The following TTLL11 variants were observed in gnomAD, a reference collection of about 807,000 sequenced individuals.
TTLL11 encodes tubulin tyrosine ligase like 11.
TTLL11 carries 42 observed loss-of-function variants against 51.7 expected under a neutral mutation model. That is an observed-to-expected ratio of 0.81 (90% CI 0.64 to 1.05). The LOEUF is 1.05. Ranked by LOEUF, TTLL11 falls within the 50% of genes least tolerant of loss-of-function variation. The pLI is 0.00. For synonymous variants in TTLL11, 381 were observed against 383.5 expected (o/e 0.99, Z 0.08); for missense variants, 799 against 940.4 (o/e 0.85, Z 1.97).
intron 8 of TTLL11, among the ~76,000 whole-genome samples, chr9:121,840,734 C>T (rs970682542): frequency 6.6e-5 from 10 of 152,162 alleles, no homozygotes; most frequent in East Asian, 1.9e-4. Context: ...GTTGAGGCCA[C>T]GTGGCCTGTG....
chr9:122,021,326 T>TA (rs1242042128), intron 3 of TTLL11, among the ~76,000 whole-genome samples: 1 of 152,098 alleles, frequency 6.6e-6, no homozygotes, highest in Admixed American at 6.6e-5. Context: ...AAGACTGAGA[T>TA]AGCCAGGGTT....
At chr9:122,004,944 A>C (rs149486698) in intron 3 of TTLL11, among the ~76,000 whole-genome samples, 1 of 152,356 alleles carries the variant, frequency 6.6e-6, no homozygotes, top group Non-Finnish European at 1.5e-5. Context: ...GAGACTGAAG[A>C]AAGCCCAGGA....
At chr9:122,020,194 C>T (rs546127404) in intron 3 of TTLL11, among the ~76,000 whole-genome samples, 4 of 152,348 alleles carry the variant, frequency 2.6e-5, no homozygotes, top group East Asian at 3.9e-4. Context: ...TTCATGACTT[C>T]GTACCTTTGC....
At chr9:121,887,242 T>G (rs1839043593) in intron 6 of TTLL11, among the ~76,000 whole-genome samples, 1 of 152,220 alleles carries the variant, frequency 6.6e-6, no homozygotes, top group Non-Finnish European at 1.5e-5. Flanking sequence ...ATATATGGCA[T>G]GTGGGCAGCC....
intron 6 of TTLL11, among the ~76,000 whole-genome samples, chr9:121,949,670 G>A (rs928999510): frequency 4.0e-5 from 6 of 151,794 alleles, no homozygotes; most frequent in African/African-American, 9.7e-5. Context: ...TGCGTCACCC[G>A]GCTCTGCTTG....
chr9:121,874,529 G>T (rs538285331), intron 6 of TTLL11, among the ~76,000 whole-genome samples: 1 of 152,128 alleles, frequency 6.6e-6, no homozygotes, highest in Admixed American at 6.5e-5. Flanking sequence ...ATAAAGTTAG[G>T]ATTACATTAC....
chr9:121,892,130 C>T (rs1033443548), intron 6 of TTLL11, among the ~76,000 whole-genome samples: 2 of 74,614 alleles, frequency 2.7e-5, no homozygotes, highest in African/African-American at 9.5e-5. Flanking sequence ...CTCCTTCTAC[C>T]TTTATATATA....
intron 8 of TTLL11, among the ~76,000 whole-genome samples, chr9:121,840,701 T>C (rs777316523): frequency 1.3e-5 from 2 of 152,132 alleles, no homozygotes; most frequent in Admixed American, 6.5e-5. Context: ...CAGCTGATCA[T>C]ACAGTTTCAA....
intron 2 of TTLL11, among the ~76,000 whole-genome samples, chr9:122,036,451 G>A (rs912313451): frequency 5.9e-5 from 9 of 151,440 alleles, no homozygotes; most frequent in Non-Finnish European, 7.4e-5. Flanking sequence ...ATTTAGATAC[G>A]TCTAAAGAAA....
intron 6 of TTLL11, among the ~76,000 whole-genome samples, chr9:121,971,244 G>A (rs1248329975): frequency 1.2e-5 from 1 of 83,476 alleles, no homozygotes; most frequent in East Asian, 4.7e-4. Context: ...CCGGCCAGCC[G>A]CCCCGTCCGG....
intron 8 of TTLL11, among the ~76,000 whole-genome samples, chr9:121,841,553 G>A (rs1319149246): frequency 4.6e-5 from 7 of 152,154 alleles, no homozygotes; most frequent in Non-Finnish European, 1.0e-4. Context: ...GTAAGGTCTC[G>A]TGGAACAGAC....
At chr9:121,973,424 CAA>C (rs1365240949) in intron 6 of TTLL11, among the ~76,000 whole-genome samples, 1 of 152,180 alleles carries the variant, frequency 6.6e-6, no homozygotes, top group Non-Finnish European at 1.5e-5. Context: ...TTGAGGATTT[CAA>C]AGAGAAGCAC....
intron 3 of TTLL11, among the ~76,000 whole-genome samples, chr9:122,019,364 A>G (rs1490461536): frequency 6.6e-6 from 1 of 152,174 alleles, no homozygotes; most frequent in African/African-American, 2.4e-5. Context: ...CTTCCCCTTG[A>G]TAAGCGCTTT....
In TTLL11 at chr9:121,816,832, C is replaced by T. The variant is rs1836427088; in HGVS notation, c.*5755G>A. 6.6e-6 allele frequency: 1 copy of T among 152,172 alleles called. No individual in the cohort carries two copies. The highest frequency in any genetic ancestry group is 1.5e-5 in the Non-Finnish European group (1 of 68,030). 9.4% of individuals were successfully genotyped at this position (152,172 alleles called of 1,614,324 possible). A position where few individuals can be genotyped will look rare whatever the true frequency, so the allele number is the denominator to read the frequency against. On this transcript the variant is annotated 3_prime_UTR_variant, in exon 9 of 9. Transcript: ENST00000321582. ...AGACGTGGCCTATTCTGCAGAGCTCCTTCATCTCCAGGAACAGAAAAAAAT... is the reference window on the plus strand; with the variant it reads ...AGACGTGGCCTATTCTGCAGAGCTCTTTCATCTCCAGGAACAGAAAAAAAT...
intron 6 of TTLL11, among the ~76,000 whole-genome samples, chr9:121,896,977 C>T (rs572439470): frequency 6.6e-6 from 1 of 152,166 alleles, no homozygotes; most frequent in African/African-American, 2.4e-5. Context: ...CAGTGTCAAC[C>T]AATCACCTAT....
intron 4 of TTLL11, among the ~76,000 whole-genome samples, chr9:121,984,739 A>C (rs1164805382): frequency 6.6e-6 from 1 of 152,244 alleles, no homozygotes; most frequent in African/African-American, 2.4e-5. Context: ...ATGGCCAAGG[A>C]GATAATTAGA....
chr9:121,963,552 A>T (rs1367419490), intron 6 of TTLL11: 1 of 152,206 alleles, frequency 6.6e-6, no homozygotes, highest in Non-Finnish European at 1.5e-5. Flanking sequence ...GACTGGCCAT[A>T]TGCTCATCTA....
intron 8 of TTLL11, among the ~76,000 whole-genome samples, chr9:121,845,419 A>C (rs951180406): frequency 6.6e-6 from 1 of 152,230 alleles, no homozygotes; most frequent in African/African-American, 2.4e-5. Context: ...AACAAATTTC[A>C]GAGAACAGAA....
At chr9:122,061,799 T>A (rs1845440442) in intron 1 of TTLL11, among the ~76,000 whole-genome samples, 1 of 151,928 alleles carries the variant, frequency 6.6e-6, no homozygotes, top group African/African-American at 2.4e-5. Flanking sequence ...CACCACGCCC[T>A]GCTAATTTTT....
Sources: allele counts gnomAD v4.1 joint callset (sites outside exome capture counted in the v4.1 genomes callset), GRCh38; gene constraint gnomAD v4.1.1; transcripts MANE v1.5; gene names NCBI Gene and HGNC (gene_info 2026-07-23, HGNC 2026-07-21).